IQCJ: variants seen among roughly 807,000 people sequenced by gnomAD.
The protein encoded by IQCJ is IQ domain-containing protein J.
A neutral mutation model predicts 11.0 loss-of-function variants in IQCJ; 9 were observed. That is an observed-to-expected ratio of 0.82 (90% CI 0.49 to 1.43). IQCJ has a LOEUF of 1.43. Among genes scored for constraint, IQCJ ranks in the 40% most tolerant of loss-of-function variants. IQCJ has a pLI of 0.00. For missense variants in IQCJ, 146 were observed against 133.2 expected, an observed-to-expected ratio of 1.10 and a Z score of -0.47; for synonymous variants, 55 against 51.3, an observed-to-expected ratio of 1.07 and a Z score of -0.31.
intron 1 of IQCJ, among the ~76,000 whole-genome samples, chr3:159,230,017 C>G (rs1262801971): frequency 3.3e-5 from 5 of 149,692 alleles, no homozygotes; most frequent in African/African-American, 1.2e-4. Flanking sequence ...CCAATAGGTA[C>G]TTTTTCATCC....
intron 1 of IQCJ, among the ~76,000 whole-genome samples, chr3:159,075,557 A>T (rs961812477): frequency 6.6e-6 from 1 of 152,072 alleles, no homozygotes; most frequent in African/African-American, 2.4e-5. Flanking sequence ...CAGAGCATAG[A>T]GCTATCGTAA....
intron 1 of IQCJ, among the ~76,000 whole-genome samples, chr3:159,160,094 GAC>G (rs1721751759): frequency 6.6e-6 from 1 of 152,176 alleles, no homozygotes; most frequent in Non-Finnish European, 1.5e-5. Flanking sequence ...TATCAAGAGA[GAC>G]AGTTTCTTAC....
chr3:159,088,629 A>G (rs1326178945), intron 1 of IQCJ, among the ~76,000 whole-genome samples: 1 of 152,158 alleles, frequency 6.6e-6, no homozygotes, highest in East Asian at 1.9e-4. Context: ...TATATGCAGG[A>G]TAGTTAGCTC....
At chr3:159,165,933 A>G (rs1047463624) in intron 1 of IQCJ, among the ~76,000 whole-genome samples, 2 of 151,614 alleles carry the variant, frequency 1.3e-5, no homozygotes, top group Middle Eastern at 6.8e-3. Flanking sequence ...CGGCCAAAGC[A>G]TCTGTTTTTT....
intron 1 of IQCJ, among the ~76,000 whole-genome samples, chr3:159,153,673 C>T (rs959168353): frequency 1.3e-5 from 2 of 152,192 alleles, no homozygotes; most frequent in Non-Finnish European, 2.9e-5. Flanking sequence ...AAGTGAAAAG[C>T]TATAGTGGGC....
At chr3:159,138,782 A>T (rs1340683773) in intron 1 of IQCJ, among the ~76,000 whole-genome samples, 1 of 152,188 alleles carries the variant, frequency 6.6e-6, no homozygotes, top group Non-Finnish European at 1.5e-5. Context: ...ATGCTTTCAG[A>T]TGAGAATATT....
At chr3:159,232,568 T>C (rs1726325569) in intron 1 of IQCJ, among the ~76,000 whole-genome samples, 1 of 151,740 alleles carries the variant, frequency 6.6e-6, no homozygotes, top group African/African-American at 2.4e-5. Flanking sequence ...CTAATTTGAT[T>C]GCACTGTGGT....
chr3:159,093,704 C>A (rs911680734), intron 1 of IQCJ, among the ~76,000 whole-genome samples: 1 of 151,846 alleles, frequency 6.6e-6, no homozygotes, highest in Non-Finnish European at 1.5e-5. Flanking sequence ...TTCTGCATGG[C>A]TGCGGAGGCC....
chr3:159,086,228 G>T, intron 1 of IQCJ, among the ~76,000 whole-genome samples: 1 of 152,158 alleles, frequency 6.6e-6, no homozygotes, highest in Non-Finnish European at 1.5e-5. Context: ...GATAGTTGTA[G>T]ATATGTGTCG....
At chr3:159,202,580 G>C (rs987584189) in intron 1 of IQCJ, among the ~76,000 whole-genome samples, 1 of 152,168 alleles carries the variant, frequency 6.6e-6, no homozygotes, top group African/African-American at 2.4e-5. Flanking sequence ...TCTTGGTCCT[G>C]TTGGCTTTTC....
intron 1 of IQCJ, among the ~76,000 whole-genome samples, chr3:159,197,490 G>T (rs1439610067): frequency 1.3e-5 from 2 of 152,146 alleles, no homozygotes. Flanking sequence ...GCCTTCCCTG[G>T]ATCAGCTGGT....
At chr3:159,222,389 C>T (rs865848915) in intron 1 of IQCJ, among the ~76,000 whole-genome samples, 1 of 152,074 alleles carries the variant, frequency 6.6e-6, no homozygotes, top group Non-Finnish European at 1.5e-5. Context: ...TATGGATGAA[C>T]CTGGAGGATA....
intron 1 of IQCJ, among the ~76,000 whole-genome samples, chr3:159,124,488 C>A (rs1356061912): frequency 1.3e-5 from 2 of 152,114 alleles, no homozygotes; most frequent in Non-Finnish European, 2.9e-5. Context: ...CTCCCAAGGG[C>A]CCCATTCTTC....
intron 1 of IQCJ, among the ~76,000 whole-genome samples, chr3:159,228,312 A>C (rs1323494322): frequency 6.6e-6 from 1 of 152,216 alleles, no homozygotes; most frequent in African/African-American, 2.4e-5. Flanking sequence ...GAAGAAAAAA[A>C]TACCAATTCT....
intron 1 of IQCJ, among the ~76,000 whole-genome samples, chr3:159,112,729 A>G (rs1274834061): frequency 2.0e-5 from 3 of 152,172 alleles, no homozygotes; most frequent in Non-Finnish European, 4.4e-5. Flanking sequence ...GGAGACACAA[A>G]CTGGGGTCCT....
chr3:159,196,004 A>G (rs1028604265), intron 1 of IQCJ, among the ~76,000 whole-genome samples: 3 of 152,190 alleles, frequency 2.0e-5, no homozygotes, highest in Non-Finnish European at 2.9e-5. Context: ...AGTTATTTTC[A>G]CACATTAGTA....
intron 1 of IQCJ, among the ~76,000 whole-genome samples, chr3:159,118,745 C>G (rs1234486606): frequency 2.0e-5 from 3 of 152,206 alleles, no homozygotes; most frequent in African/African-American, 7.2e-5. Context: ...ATGGTCTCAA[C>G]TTAGGTAATC....
At chr3:159,222,676 G>T (rs553446032) in intron 1 of IQCJ, among the ~76,000 whole-genome samples, 18 of 152,192 alleles carry the variant, frequency 1.2e-4, no homozygotes, top group African/African-American at 3.9e-4. Context: ...AAGAGAGTAG[G>T]TTTTAGGTAC....
At chr3:159,197,376 TC>T (rs1724050146) in intron 1 of IQCJ, among the ~76,000 whole-genome samples, 1 of 152,186 alleles carries the variant, frequency 6.6e-6, no homozygotes, top group African/African-American at 2.4e-5. Flanking sequence ...CCATTCCCTC[TC>T]TTCTAAGCTA....
Sources: allele counts gnomAD v4.1 joint callset (sites outside exome capture counted in the v4.1 genomes callset), GRCh38; gene constraint gnomAD v4.1.1; transcripts MANE v1.5; gene names NCBI Gene and HGNC (gene_info 2026-07-23, HGNC 2026-07-21).